Variants in LRRC49 observed in about 807,000 individuals in gnomAD.
LRRC49 encodes the protein leucine rich repeat containing 49.
In LRRC49, 50 loss-of-function variants were observed where a neutral mutation model predicts 83.3. The ratio of observed to expected loss-of-function variants is 0.60; its 90% CI spans 0.48 to 0.76. The LOEUF (loss-of-function observed/expected upper bound fraction) is 0.76. LRRC49 is among the 30% of genes least tolerant of loss of function. The pLI, the probability that LRRC49 is intolerant of heterozygous loss-of-function variation, is 0.00. For synonymous variants in LRRC49, 286 were observed against 283.3 expected, an observed-to-expected ratio of 1.01 and a Z score of -0.10; for missense variants, 704 against 809.1, an observed-to-expected ratio of 0.87 and a Z score of 1.58.
chr15:70,867,431 A>G (rs2141073528), intron 1 of LRRC49, among the ~76,000 whole-genome samples: 1 of 151,906 alleles, frequency 6.6e-6, no homozygotes, highest in Non-Finnish European at 1.5e-5. Context: ...GATGACGGGA[A>G]TGGCCATTTT....
intron 2 of LRRC49, among the ~76,000 whole-genome samples, chr15:70,878,707 A>C (rs1264288838): frequency 6.6e-6 from 1 of 152,232 alleles, no homozygotes; most frequent in Non-Finnish European, 1.5e-5. Flanking sequence ...AGTAAGATGA[A>C]GGTGACATGA....
At chr15:70,874,822 A>C (rs1422922416) in intron 2 of LRRC49, among the ~76,000 whole-genome samples, 1 of 152,266 alleles carries the variant, frequency 6.6e-6, no homozygotes, top group Non-Finnish European at 1.5e-5. Flanking sequence ...AAAGCTTTAA[A>C]AACATGATAG....
intron 11 of LRRC49, among the ~76,000 whole-genome samples, chr15:71,005,270 C>T (rs2038417054): frequency 2.0e-5 from 3 of 152,004 alleles, no homozygotes; most frequent in Admixed American, 2.0e-4. Context: ...ATTGACTTTT[C>T]CCCTCTGGAA....
intron 8 of LRRC49, among the ~76,000 whole-genome samples, chr15:70,959,377 G>A (rs2036515058): frequency 6.6e-6 from 1 of 152,096 alleles, no homozygotes; most frequent in African/African-American, 2.4e-5. Context: ...TGTAATCCCA[G>A]CTACTCGGGA....
In LRRC49 at chr15:71,049,516, G is replaced by C. The variant is rs2039956937; in HGVS notation, c.1965G>C (p.Gln655His). 1.2e-6 allele frequency: 2 copies of C among 1,613,826 alleles called. 1 individual carries two copies. The highest frequency in any genetic ancestry group is 4.5e-5 in the East Asian group (2 of 44,864). Residue 655 changes from glutamine (Q) to histidine (H), a missense_variant, in exon 16 of 16, where the codon CAG becomes CAC. Gln to His is a conservative substitution (Grantham distance 24). Around this residue, in one of 3 missense-constraint regions of LRRC49, gnomAD observed 275 missense variants for 338.0 expected, o/e 0.81. Coordinates refer to ENST00000260382, the MANE Select transcript of LRRC49 (RefSeq NM_017691.5). ...KNEALQKLWPQMFIELVRDAV... is the reference protein window; with the variant it reads ...KNEALQKLWPHMFIELVRDAV... ...AGGCTTTGCAGAAGCTTTGGCCACAGATGTTCATTGAGCTTGTTAGGGATG... is the reference window on the plus strand; with the variant it reads ...AGGCTTTGCAGAAGCTTTGGCCACACATGTTCATTGAGCTTGTTAGGGATG...
At chr15:70,865,172 C>A (rs1453591352) in intron 1 of LRRC49, among the ~76,000 whole-genome samples, 1 of 152,160 alleles carries the variant, frequency 6.6e-6, no homozygotes, top group Non-Finnish European at 1.5e-5. Context: ...GGCCATTTCT[C>A]TTAACCCAAA....
chr15:70,954,166 A>G (rs1464892459), intron 8 of LRRC49, among the ~76,000 whole-genome samples: 1 of 152,206 alleles, frequency 6.6e-6, no homozygotes, highest in African/African-American at 2.4e-5. Flanking sequence ...AAGTGCTGGG[A>G]TTACAGGTGT....
chr15:71,037,400 T>C, intron 15 of LRRC49, 68 bp downstream of exon 15: 1 of 1,303,376 alleles, frequency 7.7e-7, no homozygotes, highest in African/African-American at 1.5e-5. Flanking sequence ...AATTTGGGGG[T>C]TGTACATTTT....
rs1467651943 is a variant in LRRC49 at position 70,859,217 on chromosome 15, C to T, written c.-299+5748C>T. 4.9e-6 allele frequency: 7 copies of T among 1,421,072 alleles called. No individual in the cohort carries two copies. In the Admixed American group the frequency reaches 1.2e-4, roughly 24 times the overall value. The allele number at this position is 1,421,072 out of a possible 1,614,324, so 88.0% of individuals were successfully genotyped here. A position where few individuals can be genotyped will look rare whatever the true frequency, so the allele number is the denominator to read the frequency against. On this transcript the variant is annotated intron_variant, in intron 1 of 16. Transcript: ENST00000544974. ...GCTGGAGGTGGAGCTTGGCAACATG[C>T]AGGGGCTGGTGGAGGACTTCAAGAA...
At chr15:70,927,555 C>T (rs1352477275) in intron 7 of LRRC49, among the ~76,000 whole-genome samples, 1 of 152,128 alleles carries the variant, frequency 6.6e-6, no homozygotes, top group Non-Finnish European at 1.5e-5. Flanking sequence ...CTTTTCCTGT[C>T]CCAATATCAT....
At chr15:70,904,387 G>C (rs761597912) in intron 4 of LRRC49, among the ~76,000 whole-genome samples, 165 bp from the exon 5 acceptor site, 5 of 152,064 alleles carry the variant, frequency 3.3e-5, no homozygotes, top group African/African-American at 4.8e-5. Flanking sequence ...TTGTGTGAAT[G>C]ATTTACAATT....
At chr15:70,932,816 G>T (rs568127996) in intron 7 of LRRC49, among the ~76,000 whole-genome samples, 50 of 136,544 alleles carry the variant, frequency 3.7e-4, no homozygotes, top group African/African-American at 1.2e-3. Context: ...TGCAACCTCC[G>T]CCTCCCTCGT....
At chr15:70,906,767 C>T (rs980078942) in intron 5 of LRRC49, among the ~76,000 whole-genome samples, 1 of 152,216 alleles carries the variant, frequency 6.6e-6, no homozygotes, top group Non-Finnish European at 1.5e-5. Flanking sequence ...TGCCTTTCTA[C>T]TATGTCATTA....
intron 15 of LRRC49, among the ~76,000 whole-genome samples, chr15:71,040,634 A>C (rs1277041496): frequency 1.3e-5 from 2 of 152,008 alleles, no homozygotes; most frequent in African/African-American, 4.8e-5. Flanking sequence ...CCTGGCTAAC[A>C]CGGTGAAACC....
intron 1 of LRRC49, among the ~76,000 whole-genome samples, chr15:70,871,357 A>G: frequency 6.6e-6 from 1 of 152,196 alleles, no homozygotes; most frequent in Non-Finnish European, 1.5e-5. Context: ...ACTTCTTTCT[A>G]CACAGACACA....
At chr15:71,028,245 G>A (rs776229721) in intron 14 of LRRC49, among the ~76,000 whole-genome samples, 12 of 152,080 alleles carry the variant, frequency 7.9e-5, no homozygotes, top group Non-Finnish European at 1.2e-4. Flanking sequence ...GATGGATTAC[G>A]TTTATTGATT....
At chr15:70,891,701 T>G, upstream of LRRC49, 2 of 692,618 alleles carry the variant, frequency 2.9e-6, no homozygotes, top group Admixed American at 3.0e-5. Flanking sequence ...ACCTTGGAGA[T>G]CACCTCTAAA....
At chr15:70,935,310 G>A (rs534608917) in intron 7 of LRRC49, among the ~76,000 whole-genome samples, 1 of 152,288 alleles carries the variant, frequency 6.6e-6, no homozygotes, top group Non-Finnish European at 1.5e-5. Flanking sequence ...GGTCTAAAGG[G>A]TTGAGAGAAG....
intron 9 of LRRC49, among the ~76,000 whole-genome samples, chr15:70,978,409 G>A (rs1345340318): frequency 6.6e-6 from 1 of 152,150 alleles, no homozygotes; most frequent in African/African-American, 2.4e-5. Context: ...TCAACCAGAA[G>A]TAAATACATG....
Sources: gnomAD v4.1 joint callset for allele counts (sites outside exome capture counted in the v4.1 genomes callset) on GRCh38, gnomAD v4.1.1 for gene constraint, gnomAD v4.1.1 regional missense constraint, MANE v1.5 for transcripts, NCBI Gene and HGNC (gene_info 2026-07-23, HGNC 2026-07-21) for gene names.